The following HS3ST4 variants were observed in gnomAD, a reference collection of about 807,000 sequenced individuals.
The protein encoded by HS3ST4 is heparan sulfate glucosamine 3-O-sulfotransferase 4.
HS3ST4 carries 17 observed loss-of-function variants against 29.2 expected under a neutral mutation model. The ratio of observed to expected loss-of-function variants is 0.58; its 90% CI spans 0.40 to 0.87. The LOEUF is 0.87. Among genes scored for constraint, HS3ST4 ranks in the 40% least tolerant of loss-of-function variants. The pLI, the probability that HS3ST4 is intolerant of heterozygous loss-of-function variation, is 0.00. For synonymous variants in HS3ST4, 314 were observed against 285.7 expected, an observed-to-expected ratio of 1.10 and a Z score of -1.00; for missense variants, 627 against 634.5, an observed-to-expected ratio of 0.99 and a Z score of 0.13.
Position 25,692,470 on chromosome 16 carries a change from CCG to C in HS3ST4, c.57_58del (p.Pro20AlafsTer8). On this transcript the variant is annotated frameshift_variant, in exon 1 of 2. Transcript: ENST00000331351. LOFTEE classifies it high-confidence loss of function. Reference sequence around the variant, plus strand: ...CCTCCGCCTCCGCCTCCACCTCTGGCCGCGCCGCCGCCGCCCGGCGCCTCTGC... The same window carrying C: ...CCTCCGCCTCCGCCTCCACCTCTGGCCGCCGCCGCCGCCCGGCGCCTCTGC... 7.3e-7 allele frequency: 1 copy of C among 1,363,930 alleles called. No homozygotes were observed. Among genetic ancestry groups the C allele is most frequent in the South Asian group, 1.5e-5 (1 of 65,458 alleles). The allele number at this position is 1,363,930 out of a possible 1,614,324, so 84.5% of individuals were successfully genotyped here. A position where few individuals can be genotyped will look rare whatever the true frequency, so the allele number is the denominator to read the frequency against.
intron 1 of HS3ST4, among the ~76,000 whole-genome samples, chr16:25,810,893 A>T (rs1967035183): frequency 6.6e-6 from 1 of 152,216 alleles, no homozygotes; most frequent in Admixed American, 6.5e-5. Context: ...TAAGTGTGAG[A>T]AAAAGCAAAA....
At chr16:25,966,632 C>T (rs903160320) in intron 1 of HS3ST4, among the ~76,000 whole-genome samples, 14 of 152,160 alleles carry the variant, frequency 9.2e-5, no homozygotes, top group Non-Finnish European at 1.9e-4. Flanking sequence ...CTGAAAGTTG[C>T]TCATCTCAAA....
In HS3ST4 at chr16:26,136,467, T is replaced by C; in HGVS notation, c.*219T>C. On this transcript the variant is annotated 3_prime_UTR_variant, in exon 2 of 2. Coordinates refer to ENST00000331351, the MANE Select transcript of HS3ST4 (RefSeq NM_006040.3). ...CCAGGCCCATCTGGGCAGCAGCATCTGGTTGACCAGATGGCCACCAGAACC... is the reference window on the plus strand; with the variant it reads ...CCAGGCCCATCTGGGCAGCAGCATCCGGTTGACCAGATGGCCACCAGAACC... 1.7e-6 allele frequency: 1 copy of C among 580,094 alleles called. No homozygotes were observed. The highest frequency in any genetic ancestry group is 2.9e-5 in the East Asian group (1 of 34,946). The allele number at this position is 580,094 out of a possible 1,614,324, so 35.9% of individuals were successfully genotyped here. A position where few individuals can be genotyped will look rare whatever the true frequency, so the allele number is the denominator to read the frequency against.
intron 1 of HS3ST4, among the ~76,000 whole-genome samples, chr16:26,109,498 A>G (rs1899099451): frequency 6.6e-6 from 1 of 151,636 alleles, no homozygotes; most frequent in Non-Finnish European, 1.5e-5. Context: ...TGGTTCCCTG[A>G]CAGTGTATCA....
At chr16:26,129,286 C>A (rs1462535994) in intron 1 of HS3ST4, among the ~76,000 whole-genome samples, 1 of 152,202 alleles carries the variant, frequency 6.6e-6, no homozygotes, top group Admixed American at 6.5e-5. Context: ...TTTTAAGATT[C>A]AACTTTGCCA....
chr16:25,696,591 C>T (rs931871721), intron 1 of HS3ST4, among the ~76,000 whole-genome samples: 2 of 152,164 alleles, frequency 1.3e-5, no homozygotes, highest in African/African-American at 2.4e-5. Context: ...CTCCGCCTCC[C>T]GGATTCAAGC....
intron 1 of HS3ST4, among the ~76,000 whole-genome samples, chr16:26,028,250 G>T (rs1389622805): frequency 7.3e-6 from 1 of 137,158 alleles, no homozygotes; most frequent in African/African-American, 2.8e-5. Flanking sequence ...TCTAGCCTGG[G>T]TGACAGAGTG....
chr16:25,951,845 C>T (rs1968685978), intron 1 of HS3ST4, among the ~76,000 whole-genome samples: 1 of 152,108 alleles, frequency 6.6e-6, no homozygotes. Flanking sequence ...TTTAGTCTGC[C>T]ACCTGACTTT....
chr16:26,067,368 C>T (rs1302869647), intron 1 of HS3ST4, among the ~76,000 whole-genome samples: 1 of 152,048 alleles, frequency 6.6e-6, no homozygotes. Context: ...ATCCATTGCT[C>T]CCCTTCTCTG....
At chr16:25,771,736 C>G (rs1031611449) in intron 1 of HS3ST4, among the ~76,000 whole-genome samples, 3 of 152,138 alleles carry the variant, frequency 2.0e-5, no homozygotes, top group African/African-American at 7.2e-5. Flanking sequence ...ATTGCAGTCT[C>G]CTCAATACCT....
intron 1 of HS3ST4, among the ~76,000 whole-genome samples, chr16:25,843,077 C>T (rs750720545): frequency 5.8e-4 from 88 of 152,198 alleles, no homozygotes; most frequent in Non-Finnish European, 1.2e-4. Flanking sequence ...AAATGGATAA[C>T]TGTCCTGATT....
At chr16:25,836,980 G>A (rs562649014) in intron 1 of HS3ST4, among the ~76,000 whole-genome samples, 1 of 152,314 alleles carries the variant, frequency 6.6e-6, no homozygotes, top group Admixed American at 6.5e-5. Flanking sequence ...TTGTTATGTG[G>A]TTTTGTGCTC....
chr16:26,122,103 C>T (rs1199439313), intron 1 of HS3ST4, among the ~76,000 whole-genome samples: 1 of 150,988 alleles, frequency 6.6e-6, no homozygotes, highest in Non-Finnish European at 1.5e-5. Flanking sequence ...TCCACGCTAC[C>T]CAACCTGTGG....
chr16:25,791,887 C>G (rs1296938070), intron 1 of HS3ST4, among the ~76,000 whole-genome samples: 3 of 151,972 alleles, frequency 2.0e-5, no homozygotes, highest in East Asian at 3.9e-4. Context: ...CACCATAGGT[C>G]TGATATATTG....
chr16:26,106,856 T>A (rs976310911), intron 1 of HS3ST4, among the ~76,000 whole-genome samples: 2 of 152,212 alleles, frequency 1.3e-5, no homozygotes, highest in African/African-American at 4.8e-5. Flanking sequence ...TTCTGCTGAG[T>A]GCAGCATGAA....
At chr16:26,081,786 CTTTTTTTTTTTTT>C (rs56169806) in intron 1 of HS3ST4, among the ~76,000 whole-genome samples, 3 of 85,002 alleles carry the variant, frequency 3.5e-5, no homozygotes, top group South Asian at 8.4e-4. Flanking sequence ...GGAGTACATT[CTTTTTTTTTTTTT>C]TTTTTTTTTT....
intron 1 of HS3ST4, among the ~76,000 whole-genome samples, chr16:26,063,415 G>A (rs1443820928): frequency 6.6e-6 from 1 of 152,008 alleles, no homozygotes; most frequent in African/African-American, 2.4e-5. Context: ...GTCTGGGCAT[G>A]GTAGTTTACA....
At chr16:25,704,156 C>T (rs375782485) in intron 1 of HS3ST4, among the ~76,000 whole-genome samples, 3 of 152,304 alleles carry the variant, frequency 2.0e-5, no homozygotes, top group South Asian at 2.1e-4. Context: ...GTACGATACT[C>T]CAGGCTTCTG....
intron 1 of HS3ST4, among the ~76,000 whole-genome samples, chr16:25,955,259 G>A (rs952700548): frequency 3.9e-5 from 6 of 152,182 alleles, no homozygotes; most frequent in Non-Finnish European, 7.3e-5. Flanking sequence ...TTGGCAATGG[G>A]TCAGGGATGC....
Sources: allele counts gnomAD v4.1 joint callset (sites outside exome capture counted in the v4.1 genomes callset), GRCh38; gene constraint gnomAD v4.1.1; transcripts MANE v1.5; gene names NCBI Gene and HGNC (gene_info 2026-07-23, HGNC 2026-07-21).